The following SYTL2 variants were observed in gnomAD, a reference collection of about 807,000 sequenced individuals.
SYTL2 encodes synaptotagmin like 2.
In SYTL2, 165 loss-of-function variants were observed where a neutral mutation model predicts 198.7. The observed-to-expected ratio is 0.83, with a 90% CI of 0.73 to 0.94. The LOEUF (loss-of-function observed/expected upper bound fraction) is 0.94, where lower values mean the gene tolerates loss of function less well. SYTL2 is among the 40% of genes least tolerant of loss of function. The pLI is 0.00. For missense variants in SYTL2, 2,835 were observed against 2,582.8 expected (o/e 1.10, Z -2.12); for synonymous variants, 966 against 917.7 (o/e 1.05, Z -0.95).
rs543828057 is a variant in SYTL2 at position 85,802,842 on chromosome 11, C to T, written c.-390+8112G>A. ...GTCCTATCCCAAAGAAACTCAAAAG[C>T]TGCTAACCACAGTTAAATTAGTTGC... On this transcript the variant is annotated intron_variant, in intron 1 of 19. Transcript: ENST00000359152. Among the ~76,000 whole-genome samples the T allele has an allele frequency of 2.6e-5, 4 of 152,294 alleles. No individual in the cohort carries two copies. In the East Asian group the frequency reaches 7.7e-4, roughly 29 times the overall value.
Position 85,748,426 on chromosome 11 carries a change from A to G in SYTL2, c.102-3T>C, listed in dbSNP as rs78436878. 2 of 1,613,680 alleles carry G rather than the reference A, an allele frequency of 1.2e-6. No homozygotes were observed. The highest frequency in any genetic ancestry group is 1.7e-5 in the Admixed American group (1 of 59,986). ...CCTTAATTTTTTCAGGCAAATGTCT[A>G]CAAAAGGAAAAGATCTTTAGTTTGC... On this transcript the variant is annotated splice_polypyrimidine_tract_variant and splice_region_variant and intron_variant, in intron 2 of 19. Transcript: ENST00000359152.
Position 85,802,223 on chromosome 11 carries a change from T to TC in SYTL2, c.-390+8730_-390+8731insG, listed in dbSNP as rs1351242784. ...TCTCTTTTCTTCTTTTTCTTTTCTT[T>TC]TTTTTTTTTTTTTTGTGAGCCGGAG... On this transcript the variant is annotated intron_variant, in intron 1 of 19. Coordinates refer to ENST00000359152, the MANE Select transcript of SYTL2 (RefSeq NM_206927.4). Among the ~76,000 whole-genome samples, 9 of 146,632 alleles carry TC rather than the reference T, an allele frequency of 6.1e-5. 1 individual carries two copies. In the East Asian group the frequency reaches 1.2e-3, roughly 19 times the overall value.
intron 1 of SYTL2, among the ~76,000 whole-genome samples, chr11:85,791,717 C>T (rs2092733790): frequency 6.6e-6 from 1 of 152,092 alleles, no homozygotes; most frequent in Non-Finnish European, 1.5e-5. Flanking sequence ...GACTCCCTCT[C>T]TTCTAACATA....
intron 1 of SYTL2, among the ~76,000 whole-genome samples, chr11:85,766,004 A>T (rs1257704328): frequency 6.6e-6 from 1 of 152,228 alleles, no homozygotes; most frequent in Non-Finnish European, 1.5e-5. Flanking sequence ...GGCACACACC[A>T]AGTGTCAGGT....
chr11:85,736,553 T>C lies in SYTL2; in HGVS notation c.534A>G (p.Lys178=), dbSNP rs144100119. The C allele has an allele frequency of 1.7e-5, 28 of 1,608,488 alleles. No homozygotes were observed. Among genetic ancestry groups the C allele is most frequent in the Non-Finnish European group, 2.4e-5 (28 of 1,176,122 alleles). Residue 178 remains lysine, a synonymous_variant, in exon 6 of 20, where the codon AAA becomes AAG. Coordinates refer to ENST00000359152, the MANE Select transcript of SYTL2 (RefSeq NM_206927.4). ...LPEGHSSQQT[K]NEQSKNGRTG... is the part of the protein sequence containing the mutation. Reference sequence around the variant, plus strand: ...TTCTTCCATTTTTTGACTGTTCATTTTTAGTTTGTTGTGATGAGTGACCTT... The same window carrying C: ...TTCTTCCATTTTTTGACTGTTCATTCTTAGTTTGTTGTGATGAGTGACCTT...
chr11:85,813,014 T>C (rs568395202), upstream of SYTL2, among the ~76,000 whole-genome samples: 5 of 152,136 alleles, frequency 3.3e-5, no homozygotes, highest in African/African-American at 9.7e-5. Flanking sequence ...TCATCTGGCA[T>C]AGGACTTTGA....
intron 1 of SYTL2, among the ~76,000 whole-genome samples, chr11:85,790,532 T>C (rs1336949427): frequency 6.6e-6 from 1 of 152,222 alleles, no homozygotes; most frequent in East Asian, 1.9e-4. Context: ...AGAAGTATAA[T>C]TTATTTGTTC....
In SYTL2 at chr11:85,734,505, T is replaced by C. The variant is rs1370630147; in HGVS notation, c.824A>G (p.Lys275Arg). 2 of 1,614,114 alleles carry C rather than the reference T, an allele frequency of 1.2e-6. No homozygotes were observed. The highest frequency in any genetic ancestry group is 1.3e-5 in the African/African-American group (1 of 74,948). ...TGTGCTACTGGAACTGGAGTTGCGCTTGAGGATCCCTCTCGGAGCCCCTCT... is the reference window on the plus strand; with the variant it reads ...TGTGCTACTGGAACTGGAGTTGCGCCTGAGGATCCCTCTCGGAGCCCCTCT... The part of the protein sequence containing the change: ...KARGAPRGIL[K>R]RNSSSSSTDS... The change falls in exon 7 of 20, where the codon AAG becomes AGG. Residue 275 changes from lysine (K) to arginine (R), a missense_variant. Coordinates refer to ENST00000359152, the MANE Select transcript of SYTL2 (RefSeq NM_206927.4).
intron 1 of SYTL2, among the ~76,000 whole-genome samples, chr11:85,791,991 C>A (rs1313450882): frequency 1.3e-5 from 2 of 152,192 alleles, no homozygotes; most frequent in African/African-American, 4.8e-5. Context: ...GCTGAGAAAA[C>A]TGAACCTATA....
intron 1 of SYTL2, among the ~76,000 whole-genome samples, chr11:85,770,422 A>T (rs1243982909): frequency 6.6e-6 from 1 of 152,146 alleles, no homozygotes; most frequent in East Asian, 1.9e-4. Flanking sequence ...TACACAATCC[A>T]GCTAGACTCA....
At chr11:85,730,122 G>C (rs901890457) in intron 7 of SYTL2, among the ~76,000 whole-genome samples, 3 of 152,118 alleles carry the variant, frequency 2.0e-5, no homozygotes, top group African/African-American at 7.2e-5. Context: ...ACCAAAAAAA[G>C]TCCAGGACCA....
At chr11:85,792,711 C>T (rs1288931457) in intron 1 of SYTL2, among the ~76,000 whole-genome samples, 6 of 151,542 alleles carry the variant, frequency 4.0e-5, no homozygotes, top group African/African-American at 7.3e-5. Flanking sequence ...ATGTGCCATG[C>T]TGGTGTGCTG....
At chr11:85,814,279 A>G (rs2093059049), upstream of SYTL2, among the ~76,000 whole-genome samples, 2 of 152,184 alleles carry the variant, frequency 1.3e-5, no homozygotes, top group Non-Finnish European at 2.9e-5. Flanking sequence ...CCCTCCTTCA[A>G]CATCTACCTT....
the SYTL2 span, chr11:85,853,275 G>GA: frequency 6.9e-6 from 3 of 436,400 alleles, no homozygotes; most frequent in South Asian, 4.8e-5. Flanking sequence ...GTCTTGAGTA[G>GA]AAAAAAGTAG....
chr11:85,725,460 G>A lies in SYTL2; in HGVS notation c.3898C>T (p.Gln1300Ter), dbSNP rs1207882882. Residue 1300 changes from glutamine to a stop codon, truncating the protein, a stop_gained, in exon 8 of 20, where the codon CAG (glutamine) becomes TAG (stop). Transcript: ENST00000359152. LOFTEE classifies it high-confidence loss of function. ...GGATGAGAATCTTCTGCAGCCATCT[G>A]AATCAAATTCTGTGTGCTTAGCTGG... ...ECQLSTQNLI[Q>*]MAAEDSHPLD... The A allele has an allele frequency of 6.2e-7, 1 of 1,614,060 alleles. No homozygotes were observed. Among genetic ancestry groups the A allele is most frequent in the Non-Finnish European group, 8.5e-7 (1 of 1,179,972 alleles).
chr11:85,812,574 C>T (rs1487387854), upstream of SYTL2, among the ~76,000 whole-genome samples: 3 of 152,146 alleles, frequency 2.0e-5, no homozygotes, highest in Non-Finnish European at 2.9e-5. Flanking sequence ...AGAGTCACTA[C>T]GCTGAAGGAG....
chr11:85,780,608 G>A (rs1354803605), intron 1 of SYTL2, among the ~76,000 whole-genome samples: 1 of 152,162 alleles, frequency 6.6e-6, no homozygotes, highest in East Asian at 1.9e-4. Context: ...CTGAACACAT[G>A]GAAGCTCCAT....
At chr11:85,825,219 T>C in the SYTL2 span, among the ~76,000 whole-genome samples, 2 of 151,838 alleles carry the variant, frequency 1.3e-5, no homozygotes, top group Non-Finnish European at 2.9e-5. Context: ...AAACCCCGTC[T>C]CTACTAAAAA....
At chr11:85,698,184 G>C in intron 17 of SYTL2, 106 bp from the exon 18 acceptor site, 1 of 709,162 alleles carries the variant, frequency 1.4e-6, no homozygotes, top group Non-Finnish European at 2.5e-6. Context: ...ATACTAGCTA[G>C]TATTTGATGA....
Sources: gnomAD v4.1 joint callset for allele counts (sites outside exome capture counted in the v4.1 genomes callset) on GRCh38, gnomAD v4.1.1 for gene constraint, MANE v1.5 for transcripts, NCBI Gene and HGNC (gene_info 2026-07-23, HGNC 2026-07-21) for gene names.